Variants in LMLN observed in about 807,000 individuals in gnomAD.
LMLN encodes the protein leishmanolysin like peptidase.
A neutral mutation model predicts 92.3 loss-of-function variants in LMLN; 70 were observed. The ratio of observed to expected loss-of-function variants is 0.76; its 90% CI spans 0.63 to 0.92. LMLN has a LOEUF of 0.92. Among genes scored for constraint, LMLN ranks in the 40% least tolerant of loss-of-function variants. LMLN has a pLI of 0.00. For synonymous variants in LMLN, 308 were observed against 296.2 expected (o/e 1.04, Z -0.41); for missense variants, 691 against 814.6 (o/e 0.85, Z 1.85).
At chr3:197,960,739 T>C (rs1720843832) in intron 1 of LMLN, among the ~76,000 whole-genome samples, 1 of 152,114 alleles carries the variant, frequency 6.6e-6, no homozygotes, top group Non-Finnish European at 1.5e-5. Context: ...CAACACGGAT[T>C]GCCGCCCTCA....
At chr3:197,996,322 A>T (rs1362077215) in intron 10 of LMLN, 40 bp downstream of exon 10, 1 of 1,232,846 alleles carries the variant, frequency 8.1e-7, no homozygotes, top group Non-Finnish European at 1.2e-6. Flanking sequence ...TTATTTAATG[A>T]AAATAATTCA....
chr3:198,032,899 C>T (rs1369197967), intron 14 of LMLN, among the ~76,000 whole-genome samples: 23 of 152,210 alleles, frequency 1.5e-4, no homozygotes, highest in Admixed American at 1.5e-3. Flanking sequence ...GCGTCTGTCT[C>T]TGAAACAGAC....
At chr3:198,034,797 G>A (rs1036270755) in intron 14 of LMLN, among the ~76,000 whole-genome samples, 7 of 152,146 alleles carry the variant, frequency 4.6e-5, no homozygotes, top group African/African-American at 1.7e-4. Flanking sequence ...AGCATTTAGG[G>A]TTAGGGAGAA....
intron 6 of LMLN, among the ~76,000 whole-genome samples, chr3:197,982,383 G>A (rs1581141794): frequency 6.6e-6 from 1 of 151,756 alleles, no homozygotes; most frequent in East Asian, 2.0e-4. Flanking sequence ...GCACCACCAC[G>A]CCTGGCTAAT....
In LMLN at chr3:197,999,337, C is replaced by T. The variant is rs1176141886; in HGVS notation, c.1227C>T (p.Asp409=). The T allele has an allele frequency of 2.5e-6, 4 of 1,602,874 alleles. No homozygotes were observed. The South Asian group carries it at 3.3e-5, about 13-fold the overall frequency. ...GAATCACTCTGGCATTAATGGAGGACACTGGGTAAGACAGCTGTGACAAGA... is the reference window on the plus strand; with the variant it reads ...GAATCACTCTGGCATTAATGGAGGATACTGGGTAAGACAGCTGTGACAAGA... Residue 409 remains aspartate, a synonymous_variant, in exon 11 of 16, where the codon GAC becomes GAT. Coordinates refer to ENST00000330198, the Ensembl canonical transcript of LMLN.
chr3:198,031,526 T>C lies in LMLN; in HGVS notation c.1657-4307T>C, dbSNP rs527564374. 1.3e-5 allele frequency among the ~76,000 whole-genome samples: 2 copies of C among 152,296 alleles called. No homozygotes were observed. Among genetic ancestry groups the C allele is most frequent in the African/African-American group, 4.8e-5 (2 of 41,560 alleles). Reference sequence around the variant, plus strand: ...TTCAATAGCTTGGGTGGGTATAGCTTTATTTTTGAAAATTATTTTCCTAAT... The same window carrying C: ...TTCAATAGCTTGGGTGGGTATAGCTCTATTTTTGAAAATTATTTTCCTAAT... On this transcript the variant is annotated intron_variant, in intron 14 of 15. Transcript: ENST00000330198. This position sits in a 1 kb window ranked among gnomAD's most constrained non-coding sequence, Gnocchi z 4.8.
At chr3:197,980,397 A>G (rs1463737961) in exon 6 of LMLN, 3 of 1,614,144 alleles carry the variant, frequency 1.9e-6, no homozygotes, top group African/African-American at 2.7e-5. Flanking sequence ...AAGGCATCTC[A>G]GATGCAGACT....
intron 8 of LMLN, among the ~76,000 whole-genome samples, chr3:197,988,374 T>G (rs1721771003): frequency 6.6e-6 from 1 of 151,928 alleles, no homozygotes; most frequent in African/African-American, 2.4e-5. Context: ...TTCTTTACAT[T>G]TATAGCTTCA....
intron 11 of LMLN, among the ~76,000 whole-genome samples, chr3:198,005,372 C>G (rs1274223264): frequency 6.6e-6 from 1 of 151,866 alleles, no homozygotes; most frequent in Non-Finnish European, 1.5e-5. Flanking sequence ...GCTTCCAGGA[C>G]CCCCCTGGAT....
chr3:197,960,232 C>T lies in LMLN; in HGVS notation c.11C>T (p.Thr4Met). The change falls in exon 1 of 16, where the codon ACG (threonine) becomes ATG (methionine). Residue 4 changes from threonine (T) to methionine (M), a missense_variant. Physicochemically the swap from Thr to Met is moderately conservative, Grantham distance 81. The change creates a new upstream start codon in the 5' untranslated region. Coordinates refer to ENST00000330198, the Ensembl canonical transcript of LMLN. ...GGCGTCACGCACTCCATGGTAACGA[C>T]GCTCGGCCCGAAGATGGCGGCCGAA... The T allele has an allele frequency of 6.2e-7, 1 of 1,609,168 alleles. No individual in the cohort carries two copies. The highest frequency in any genetic ancestry group is 1.1e-5 in the South Asian group (1 of 90,860).
At chr3:197,971,470 A>G (rs140268313) in intron 1 of LMLN, among the ~76,000 whole-genome samples, 13 of 152,324 alleles carry the variant, frequency 8.5e-5, no homozygotes, top group East Asian at 3.9e-4. Flanking sequence ...TTAAGATGCA[A>G]TTTGGCTGGG....
chr3:198,014,024 T>C (rs368458527), intron 11 of LMLN, among the ~76,000 whole-genome samples: 150 of 60,318 alleles, frequency 2.5e-3, no homozygotes, highest in East Asian at 4.5e-3. Context: ...CTCCACCCTT[T>C]AGAGCCCTCT....
chr3:198,018,224 A>G (rs1396997852), intron 11 of LMLN, among the ~76,000 whole-genome samples: 5 of 152,246 alleles, frequency 3.3e-5, no homozygotes, highest in African/African-American at 9.6e-5. Flanking sequence ...GTATCAAGAA[A>G]GTAACTGATT....
At chr3:197,965,309 G>A (rs1361815540) in intron 1 of LMLN, among the ~76,000 whole-genome samples, 1 of 152,152 alleles carries the variant, frequency 6.6e-6, no homozygotes, top group Admixed American at 6.5e-5. Flanking sequence ...GTGAGCCACT[G>A]CACCTGGCTG....
At chr3:197,962,782 T>TG (rs1469081316) in intron 1 of LMLN, among the ~76,000 whole-genome samples, 14 of 151,582 alleles carry the variant, frequency 9.2e-5, no homozygotes, top group Non-Finnish European at 1.9e-4. Context: ...TTTTTTTTTT[T>TG]GCCCCATATG....
intron 1 of LMLN, among the ~76,000 whole-genome samples, chr3:197,962,996 C>T (rs926422050): frequency 6.6e-6 from 1 of 151,958 alleles, no homozygotes; most frequent in African/African-American, 2.4e-5. Flanking sequence ...GTCAGCTTCT[C>T]AGTTTCTTCA....
chr3:197,971,465 A>G (rs561027216), intron 1 of LMLN, among the ~76,000 whole-genome samples: 1 of 152,310 alleles, frequency 6.6e-6, no homozygotes, highest in African/African-American at 2.4e-5. Flanking sequence ...ACAATTTAAG[A>G]TGCAATTTGG....
rs1305601948 is a variant in LMLN at position 198,025,361 on chromosome 3, AT to A, written c.1656+581del. Among the ~76,000 whole-genome samples the A allele has an allele frequency of 6.6e-6, 1 of 151,962 alleles. No homozygotes were observed. The highest frequency in any genetic ancestry group is 1.5e-5 in the Non-Finnish European group (1 of 67,982). ...AGAAATCCAAAAAGGGCAAACTACA[AT>A]TTTTTTTCCTTTTTCTTTTTCTTTT... is the stretch of plus-strand genomic sequence containing the variant. On this transcript the variant is annotated intron_variant, in intron 14 of 15. Coordinates refer to ENST00000330198, the Ensembl canonical transcript of LMLN. This position sits in a 1 kb window ranked among gnomAD's most constrained non-coding sequence, Gnocchi z 4.3.
chr3:198,001,616 T>C (rs544194638), intron 11 of LMLN, among the ~76,000 whole-genome samples: 1 of 152,292 alleles, frequency 6.6e-6, no homozygotes, highest in East Asian at 1.9e-4. Flanking sequence ...GTAACTCACA[T>C]TGTAGTTGCA....
Sources: gnomAD v4.1 joint callset for allele counts (sites outside exome capture counted in the v4.1 genomes callset) on GRCh38, gnomAD v4.1.1 for gene constraint, Gnocchi (gnomAD v3.1) non-coding constraint, MANE v1.5 for transcripts, NCBI Gene and HGNC (gene_info 2026-07-23, HGNC 2026-07-21) for gene names.